Variants in USP31 observed in about 807,000 individuals in gnomAD.
The protein encoded by USP31 is ubiquitin specific peptidase 31.
A neutral mutation model predicts 119.4 loss-of-function variants in USP31; 44 were observed. The ratio of observed to expected loss-of-function variants is 0.37; its 90% CI spans 0.29 to 0.47. The LOEUF is 0.47. USP31 is among the 20% of genes least tolerant of loss of function. The pLI, the probability that USP31 is intolerant of heterozygous loss-of-function variation, is 0.99. For missense variants in USP31, 1,643 were observed against 1,730.2 expected (o/e 0.95, Z 0.89); for synonymous variants, 749 against 705.6 (o/e 1.06, Z -0.97).
intron 6 of USP31, among the ~76,000 whole-genome samples, chr16:23,097,402 A>C (rs1901659214): frequency 6.6e-6 from 1 of 152,218 alleles, no homozygotes; most frequent in Admixed American, 6.5e-5. Flanking sequence ...GCCAAATTCT[A>C]GGAGCTGGTA....
intron 4 of USP31, 112 bp from the exon 5 acceptor site, chr16:23,105,688 T>C (rs972838799): frequency 2.4e-6 from 3 of 1,232,424 alleles, no homozygotes; most frequent in Middle Eastern, 3.0e-4. Flanking sequence ...TAACCCACAC[T>C]GTTACTCGGA....
intron 1 of USP31, among the ~76,000 whole-genome samples, chr16:23,116,463 T>C (rs995599318): frequency 3.9e-5 from 6 of 152,120 alleles, no homozygotes; most frequent in African/African-American, 1.2e-4. Flanking sequence ...TTTGTACAAA[T>C]AGATGAACAC....
rs767117890 is a variant in USP31, at chr16:23,063,671, CAAT to C, written c.*4372_*4374del. ...GAAATCGCATTCATGCTCTTCTACA[CAAT>C]GATGAGTAAGCCATATTTTGAAAAT... is the stretch of plus-strand genomic sequence containing the variant. On this transcript the variant is annotated 3_prime_UTR_variant, in exon 16 of 16. Transcript: ENST00000219689. The C allele has an allele frequency of 4.6e-5, 7 of 151,438 alleles. No individual in the cohort carries two copies. The highest frequency in any genetic ancestry group is 2.1e-4 in the South Asian group (1 of 4,806). 9.4% of individuals were successfully genotyped at this position (151,438 alleles called of 1,614,324 possible).
intron 1 of USP31, among the ~76,000 whole-genome samples, chr16:23,145,504 T>C (rs766351600): frequency 6.6e-5 from 10 of 152,200 alleles, no homozygotes; most frequent in African/African-American, 1.2e-4. Flanking sequence ...TGACAGCCAA[T>C]TGACATGGTT....
At chr16:23,102,704 T>G (rs906105842) in intron 5 of USP31, among the ~76,000 whole-genome samples, 33 of 152,198 alleles carry the variant, frequency 2.2e-4, no homozygotes, top group African/African-American at 7.2e-4. Flanking sequence ...TTCAACCAAC[T>G]GCAGATCAAA....
Position 23,068,961 on chromosome 16 carries a change from G to T in USP31, c.3144C>A (p.Ser1048Arg), listed in dbSNP as rs1414879751. Residue 1048 changes from serine to arginine, a missense_variant, in exon 16 of 16, where the codon AGC becomes AGA. Physicochemically the swap from Ser to Arg is moderately radical, Grantham distance 110. This residue lies in a region of USP31 where 699 missense variants were observed against 650.9 expected (regional missense o/e 1.07). Coordinates refer to ENST00000219689, the MANE Select transcript of USP31 (RefSeq NM_020718.4). Reference protein sequence around the residue: ...SLRKGRPALASQESSLSSTSP... With the variant: ...SLRKGRPALARQESSLSSTSP... ...ATGTACTTGAAAGGGATGACTCCTG[G>T]CTTGCCAAGGCTGGTCTCCCCTTCC... 1 of 1,614,090 alleles carries T rather than the reference G, an allele frequency of 6.2e-7. No individual in the cohort carries two copies. Among genetic ancestry groups the T allele is most frequent in the African/African-American group, 1.3e-5 (1 of 74,952 alleles).
At chr16:23,120,831 A>C (rs989759995) in intron 1 of USP31, among the ~76,000 whole-genome samples, 3 of 152,204 alleles carry the variant, frequency 2.0e-5, no homozygotes, top group African/African-American at 7.2e-5. Context: ...AGGCAGAATA[A>C]GGTGGGAAAG....
chr16:23,106,867 C>T lies in USP31; in HGVS notation c.772-380G>A, dbSNP rs148177102. Among the ~76,000 whole-genome samples the T allele has an allele frequency of 2.3e-3, 344 of 152,252 alleles. 2 individuals are homozygous for T. The highest frequency in any genetic ancestry group is 7.7e-3 in the African/African-American group (318 of 41,542). ...GGGGCTCATGCCTGTAATCCCAACA[C>T]TTTGAGAGGCAGGGGTGGGCGGATC... On this transcript the variant is annotated intron_variant, in intron 2 of 15. Transcript: ENST00000219689.
At chr16:23,081,806 G>A (rs1003181904) in intron 12 of USP31, among the ~76,000 whole-genome samples, 1 of 152,080 alleles carries the variant, frequency 6.6e-6, no homozygotes, top group African/African-American at 2.4e-5. Context: ...CTCCACTGTC[G>A]GGCTTTGCAC....
At chr16:23,089,267 C>T (rs1031852374) in intron 7 of USP31, among the ~76,000 whole-genome samples, 1 of 152,130 alleles carries the variant, frequency 6.6e-6, no homozygotes, top group African/African-American at 2.4e-5. Context: ...TCTTCAGGGA[C>T]GTCTTCCCTG....
At chr16:23,123,829 G>T (rs888292820) in intron 1 of USP31, among the ~76,000 whole-genome samples, 1 of 152,006 alleles carries the variant, frequency 6.6e-6, no homozygotes, top group Non-Finnish European at 1.5e-5. Context: ...GAGAGACCTG[G>T]TTTCTACCAA....
intron 1 of USP31, among the ~76,000 whole-genome samples, chr16:23,111,363 G>A (rs549849185): frequency 6.6e-6 from 1 of 152,024 alleles, no homozygotes; most frequent in Admixed American, 6.5e-5. Context: ...GAGGAAGGAG[G>A]CATTAATGTC....
chr16:23,077,185 C>T (rs1244100722), intron 13 of USP31, among the ~76,000 whole-genome samples: 1 of 152,180 alleles, frequency 6.6e-6, no homozygotes, highest in African/African-American at 2.4e-5. Flanking sequence ...TCCTTGAAAG[C>T]GCTTCCTACA....
chr16:23,098,108 A>G (rs1901694073), intron 6 of USP31, among the ~76,000 whole-genome samples: 2 of 152,226 alleles, frequency 1.3e-5, no homozygotes, highest in Non-Finnish European at 2.9e-5. Flanking sequence ...TTAAACTGAT[A>G]AGCAACTTCA....
intron 1 of USP31, among the ~76,000 whole-genome samples, chr16:23,132,221 CAATT>C (rs1243072273): frequency 1.3e-5 from 2 of 151,522 alleles, no homozygotes; most frequent in African/African-American, 4.9e-5. Flanking sequence ...AGCCAATGAA[CAATT>C]AATTAGCAGA....
intron 6 of USP31, among the ~76,000 whole-genome samples, chr16:23,098,680 C>T (rs536973589): frequency 1.3e-5 from 2 of 152,136 alleles, no homozygotes; most frequent in African/African-American, 4.8e-5. Flanking sequence ...CATCTACAAC[C>T]ATCTGATCTT....
intron 1 of USP31, among the ~76,000 whole-genome samples, chr16:23,129,953 G>A (rs1161007425): frequency 5.9e-5 from 9 of 152,180 alleles, no homozygotes. Flanking sequence ...TCAGGGGACT[G>A]TGAAATAATA....
chr16:23,148,269 G>A (rs192402289), intron 1 of USP31, among the ~76,000 whole-genome samples: 213 of 152,242 alleles, frequency 1.4e-3, no homozygotes, highest in African/African-American at 5.0e-3. Context: ...CTTACCCGAC[G>A]TCACATTGCT....
At chr16:23,100,668 G>C (rs535530204) in intron 6 of USP31, among the ~76,000 whole-genome samples, 1 of 152,202 alleles carries the variant, frequency 6.6e-6, no homozygotes, top group Admixed American at 6.5e-5. Context: ...AGCTACTCGG[G>C]AGGCTAAGGT....
Sources: allele counts gnomAD v4.1 joint callset (sites outside exome capture counted in the v4.1 genomes callset), GRCh38; gene constraint gnomAD v4.1.1; regional missense constraint gnomAD v4.1.1; transcripts MANE v1.5; gene names NCBI Gene and HGNC (gene_info 2026-07-23, HGNC 2026-07-21).